Variants in CNBD1 observed in about 807,000 individuals in gnomAD.
CNBD1 encodes cyclic nucleotide-binding domain-containing protein 1.
CNBD1 carries 71 observed loss-of-function variants against 54.4 expected under a neutral mutation model. That is an observed-to-expected ratio of 1.30 (90% CI 1.08 to 1.59). The LOEUF (loss-of-function observed/expected upper bound fraction) is 1.59, where lower values mean the gene tolerates loss of function less well. Ranked by LOEUF, CNBD1 falls within the 40% of genes most tolerant of loss-of-function variation. CNBD1 has a pLI of 0.00. For synonymous variants in CNBD1, 182 were observed against 170.7 expected (o/e 1.07, Z -0.51); for missense variants, 659 against 518.0 (o/e 1.27, Z -2.64).
At chr8:86,974,561 A>G (rs1808298234) in intron 4 of CNBD1, among the ~76,000 whole-genome samples, 1 of 152,066 alleles carries the variant, frequency 6.6e-6, no homozygotes, top group Admixed American at 6.6e-5. Context: ...AGAATGCTAT[A>G]TTATGGTGAA....
At chr8:87,310,998 T>C (rs1809252148) in intron 8 of CNBD1, among the ~76,000 whole-genome samples, 1 of 152,048 alleles carries the variant, frequency 6.6e-6, no homozygotes, top group Admixed American at 6.6e-5. Flanking sequence ...ATAAGAACCC[T>C]AGGAGAAAAC....
intron 4 of CNBD1, among the ~76,000 whole-genome samples, chr8:86,994,791 G>A (rs77195572): frequency 0.017 from 2,544 of 152,182 alleles, 70 homozygotes; most frequent in African/African-American, 0.058. Flanking sequence ...CTCAAAGTAG[G>A]TTGGTTTTGT....
At chr8:87,008,318 C>A (rs73273610) in intron 4 of CNBD1, among the ~76,000 whole-genome samples, 4,497 of 152,078 alleles carry the variant, frequency 0.03, 226 homozygotes, top group African/African-American at 0.1. Context: ...TTTATGGGTT[C>A]TTTGTTACAT....
intron 8 of CNBD1, among the ~76,000 whole-genome samples, chr8:87,306,671 A>T (rs1472553922): frequency 6.6e-6 from 1 of 152,160 alleles, no homozygotes; most frequent in African/African-American, 2.4e-5. Context: ...ATGGAAAACC[A>T]AACATCATAT....
At chr8:87,135,231 C>T (rs915640345) in intron 4 of CNBD1, among the ~76,000 whole-genome samples, 127 of 151,712 alleles carry the variant, frequency 8.4e-4, no homozygotes, top group African/African-American at 2.9e-3. Context: ...TCTATTAGAA[C>T]ATTTGATAAA....
At chr8:86,951,030 T>C (rs974157792) in intron 4 of CNBD1, among the ~76,000 whole-genome samples, 7 of 152,174 alleles carry the variant, frequency 4.6e-5, no homozygotes, top group Non-Finnish European at 8.8e-5. Flanking sequence ...TGTTCCCTTT[T>C]TCATCCCTGA....
At chr8:87,124,950 A>T (rs1811961745) in intron 4 of CNBD1, among the ~76,000 whole-genome samples, 1 of 151,754 alleles carries the variant, frequency 6.6e-6, no homozygotes, top group African/African-American at 2.4e-5. Flanking sequence ...GAATTAAGTA[A>T]AGTTACAGGA....
chr8:86,937,808 T>C (rs539921485), intron 3 of CNBD1, among the ~76,000 whole-genome samples: 16 of 152,144 alleles, frequency 1.1e-4, no homozygotes, highest in Non-Finnish European at 2.2e-4. Flanking sequence ...CCTGGAGACA[T>C]TTTCCCCATT....
At chr8:86,988,685 C>T (rs1808667501) in intron 4 of CNBD1, among the ~76,000 whole-genome samples, 1 of 152,098 alleles carries the variant, frequency 6.6e-6, no homozygotes, top group East Asian at 1.9e-4. Flanking sequence ...CCCCCTTTCC[C>T]AGCCTATGAT....
chr8:87,390,745 A>G (rs1369760250), intron 2 of CNBD1, among the ~76,000 whole-genome samples: 4 of 152,316 alleles, frequency 2.6e-5, no homozygotes, highest in Admixed American at 6.5e-5. Context: ...TACTGGGTAT[A>G]TACCCGAAGG....
chr8:87,327,255 T>C (rs1388806219), intron 8 of CNBD1, among the ~76,000 whole-genome samples: 14 of 144,844 alleles, frequency 9.7e-5, no homozygotes, highest in South Asian at 2.2e-4. Context: ...TGCTGTCTTT[T>C]TGTTTGTCTG....
chr8:87,023,694 C>T (rs999916574), intron 4 of CNBD1, among the ~76,000 whole-genome samples: 2 of 152,178 alleles, frequency 1.3e-5, no homozygotes, highest in African/African-American at 2.4e-5. Flanking sequence ...GGCTTAATCA[C>T]ACTGAGTTAG....
chr8:86,926,644 G>C (rs977159578), intron 3 of CNBD1, among the ~76,000 whole-genome samples: 3 of 151,636 alleles, frequency 2.0e-5, no homozygotes, highest in Admixed American at 6.6e-5. Flanking sequence ...TGACTGGTTG[G>C]TGTAAAAACA....
At chr8:87,156,002 G>A (rs1029494565) in intron 4 of CNBD1, among the ~76,000 whole-genome samples, 2 of 151,796 alleles carry the variant, frequency 1.3e-5, no homozygotes, top group African/African-American at 2.4e-5. Context: ...GAAAACAGAC[G>A]GACTAGAAAT....
At chr8:87,164,159 T>G (rs1346495420) in intron 4 of CNBD1, among the ~76,000 whole-genome samples, 2 of 151,938 alleles carry the variant, frequency 1.3e-5, no homozygotes, top group Non-Finnish European at 2.9e-5. Context: ...TTAATTATGT[T>G]TTGTGATCTT....
chr8:87,358,796 G>T (rs189893520), intron 10 of CNBD1, among the ~76,000 whole-genome samples: 10 of 152,260 alleles, frequency 6.6e-5, no homozygotes, highest in South Asian at 2.1e-4. Flanking sequence ...GGGCAGACAG[G>T]AGGCAGTTGT....
At chr8:87,339,455 C>T (rs1290123163) in intron 8 of CNBD1, among the ~76,000 whole-genome samples, 4 of 152,124 alleles carry the variant, frequency 2.6e-5, no homozygotes, top group Non-Finnish European at 1.5e-5. Context: ...GTATCAATCT[C>T]TCCAATTTCT....
intron 4 of CNBD1, among the ~76,000 whole-genome samples, chr8:87,028,745 T>G (rs950610835): frequency 6.6e-6 from 1 of 152,208 alleles, no homozygotes; most frequent in Non-Finnish European, 1.5e-5. Context: ...TTGGTACCTT[T>G]TTTGAGAAGC....
At chr8:87,017,678 G>T (rs2130571143) in intron 4 of CNBD1, among the ~76,000 whole-genome samples, 1 of 152,104 alleles carries the variant, frequency 6.6e-6, no homozygotes, top group African/African-American at 2.4e-5. Context: ...GCATTTCCAA[G>T]GTAAACAAAC....
Sources: gnomAD v4.1 joint callset for allele counts (sites outside exome capture counted in the v4.1 genomes callset) on GRCh38, gnomAD v4.1.1 for gene constraint, MANE v1.5 for transcripts, NCBI Gene and HGNC (gene_info 2026-07-23, HGNC 2026-07-21) for gene names.